Variants in SPAG16 observed in about 807,000 individuals in gnomAD.
The protein encoded by SPAG16 is sperm associated antigen 16.
In SPAG16, 86 loss-of-function variants were observed where a neutral mutation model predicts 80.4. That is an observed-to-expected ratio of 1.07 (90% CI 0.90 to 1.28). The LOEUF is 1.28. SPAG16 is among the 50% of genes most tolerant of loss of function. The pLI, the probability that SPAG16 is intolerant of heterozygous loss-of-function variation, is 0.00. For synonymous variants in SPAG16, 294 were observed against 265.9 expected (o/e 1.11, Z -1.03); for missense variants, 870 against 765.3 (o/e 1.14, Z -1.61).
intron 15 of SPAG16, among the ~76,000 whole-genome samples, chr2:214,248,286 TATATTATTATTATTATTATTATTATTA>T (rs779928174): frequency 7.8e-6 from 1 of 128,084 alleles, no homozygotes; most frequent in Non-Finnish European, 1.6e-5. Flanking sequence ...GTACTATTCT[TATATTATTATTATTATTATTATTATTA>T]TTATTATTAT....
At chr2:213,653,305 CTTCAGTAGTCTCAAT>C (rs2063094297) in intron 10 of SPAG16, among the ~76,000 whole-genome samples, 1 of 152,052 alleles carries the variant, frequency 6.6e-6, no homozygotes, top group Non-Finnish European at 1.5e-5. Flanking sequence ...GAACTTTTTT[CTTCAGTAGTCTCAAT>C]ATAAGCTGTG....
In SPAG16 at chr2:213,615,388, C is replaced by T. The variant is rs184331011; in HGVS notation, c.1070+125298C>T. ...GGCAGATCACCTGAGGCCAGGAATT[C>T]GAGACCAGCCTGGCCAAGATGGTGA... On this transcript the variant is annotated intron_variant, in intron 10 of 15. Coordinates refer to ENST00000331683, the MANE Select transcript of SPAG16 (RefSeq NM_024532.5). Among the ~76,000 whole-genome samples the T allele has an allele frequency of 2.4e-3, 366 of 152,258 alleles. 7 individuals carry two copies. The highest frequency in any genetic ancestry group is 0.015 in the South Asian group (73 of 4,830).
At chr2:213,643,410 A>G (rs868402951) in intron 10 of SPAG16, among the ~76,000 whole-genome samples, 3 of 63,706 alleles carry the variant, frequency 4.7e-5, no homozygotes, top group Non-Finnish European at 9.3e-5. Flanking sequence ...ATATATATAT[A>G]TTTTATCTCT....
chr2:213,773,988 T>C (rs1384409310), intron 10 of SPAG16, among the ~76,000 whole-genome samples: 2 of 152,242 alleles, frequency 1.3e-5, no homozygotes, highest in Non-Finnish European at 2.9e-5. Flanking sequence ...CTTGTTTTTA[T>C]AGCATTCATT....
At chr2:214,371,895 G>A (rs769277501) in intron 15 of SPAG16, among the ~76,000 whole-genome samples, 8 of 151,838 alleles carry the variant, frequency 5.3e-5, no homozygotes, top group Admixed American at 1.3e-4. Context: ...TGGCCAGGCT[G>A]GTCTCCAACT....
At chr2:213,701,132 C>A (rs1452412628) in intron 10 of SPAG16, among the ~76,000 whole-genome samples, 1 of 152,080 alleles carries the variant, frequency 6.6e-6, no homozygotes, top group Non-Finnish European at 1.5e-5. Context: ...CCCAGCTACT[C>A]AGGAGGCTGA....
In SPAG16 at chr2:213,284,464, G is replaced by A. The variant is rs564934930; in HGVS notation, c.-20G>A. 2 of 1,554,284 alleles carry A rather than the reference G, an allele frequency of 1.3e-6. No homozygotes were observed. Among genetic ancestry groups the A allele is most frequent in the Admixed American group, 1.9e-5 (1 of 51,384 alleles). On this transcript the variant is annotated 5_prime_UTR_variant, in exon 1 of 16. Coordinates refer to ENST00000331683, the MANE Select transcript of SPAG16 (RefSeq NM_024532.5). The stretch of plus-strand genomic sequence containing the variant: ...GGACGGCTGTGGGCCTGCTGGGGGT[G>A]GGGGCCCGAAGCGCCAGAGATGGCT...
At position 214,173,766 on chromosome 2, in the gene SPAG16, C is replaced by G. The variant is rs1270290800; in HGVS notation, c.1720+24500C>G. On this transcript the variant is annotated intron_variant, in intron 15 of 15. Coordinates refer to ENST00000331683, the MANE Select transcript of SPAG16 (RefSeq NM_024532.5). ...CTGATACCAAAGCCAGGCAGAGACA[C>G]AACCAAAAAAGAGAATTTTAGACCA... 3.3e-5 allele frequency among the ~76,000 whole-genome samples: 5 copies of G among 151,774 alleles called. No individual in the cohort carries two copies. In the South Asian group the frequency reaches 1.0e-3, roughly 32 times the overall value.
chr2:214,010,326 A>G lies in SPAG16; in HGVS notation c.1401-3625A>G, dbSNP rs1162446184. Among the ~76,000 whole-genome samples, 4 of 146,762 alleles carry G rather than the reference A, an allele frequency of 2.7e-5. 1 individual carries two copies. The highest frequency in any genetic ancestry group is 1.1e-4 in the African/African-American group (4 of 37,610). On this transcript the variant is annotated intron_variant, in intron 12 of 15. Coordinates refer to ENST00000331683, the MANE Select transcript of SPAG16 (RefSeq NM_024532.5). The stretch of plus-strand genomic sequence containing the variant: ...GAGAAAATATTAAACGTAAAGGCAA[A>G]TTAGACAAAAAAGGACATAGTGTTT...
At chr2:214,205,034 G>A (rs574543939) in intron 15 of SPAG16, among the ~76,000 whole-genome samples, 2 of 152,194 alleles carry the variant, frequency 1.3e-5, no homozygotes, top group East Asian at 3.9e-4. Flanking sequence ...TTTGAGACCA[G>A]CATGGCCAAC....
chr2:214,324,852 A>T (rs1490196215), intron 15 of SPAG16, among the ~76,000 whole-genome samples: 1 of 152,088 alleles, frequency 6.6e-6, no homozygotes, highest in Non-Finnish European at 1.5e-5. Context: ...GTGTTTGTCA[A>T]ATTTATTTTG....
chr2:213,888,340 A>T (rs967430600), intron 11 of SPAG16, among the ~76,000 whole-genome samples: 1 of 151,870 alleles, frequency 6.6e-6, no homozygotes, highest in East Asian at 1.9e-4. Flanking sequence ...ACTTAGAACT[A>T]TCCTCAGCTT....
chr2:214,341,351 G>T (rs1249144893), intron 15 of SPAG16, among the ~76,000 whole-genome samples: 1 of 152,112 alleles, frequency 6.6e-6, no homozygotes, highest in Non-Finnish European at 1.5e-5. Context: ...GCAAATAAAT[G>T]ATAAAAGAAA....
intron 10 of SPAG16, among the ~76,000 whole-genome samples, chr2:213,851,060 T>G (rs1323484019): frequency 6.6e-6 from 1 of 152,138 alleles, no homozygotes; most frequent in African/African-American, 2.4e-5. Flanking sequence ...GTGCTTATAT[T>G]CATAATTAAA....
intron 10 of SPAG16, among the ~76,000 whole-genome samples, chr2:213,593,746 CTTTTTTTTTTTTTTTTTTTTTT>C (rs541949006): frequency 1.1e-3 from 54 of 50,176 alleles, no homozygotes; most frequent in East Asian, 9.1e-3. Context: ...CCCACCACAT[CTTTTTTTTTTTTTTTTTTTTTT>C]TTTTTTTTTT....
chr2:213,309,326 C>G (rs949389825), intron 3 of SPAG16, among the ~76,000 whole-genome samples: 1 of 152,094 alleles, frequency 6.6e-6, no homozygotes, highest in Non-Finnish European at 1.5e-5. Context: ...GAACTGTTAG[C>G]TGACCCCTGA....
intron 6 of SPAG16, among the ~76,000 whole-genome samples, chr2:213,348,972 A>G (rs2065172761): frequency 6.6e-6 from 1 of 152,202 alleles, no homozygotes; most frequent in East Asian, 1.9e-4. Flanking sequence ...GAGCCATAAA[A>G]CAAGTCTCTA....
chr2:213,395,040 T>C (rs2067962687), intron 9 of SPAG16, among the ~76,000 whole-genome samples: 1 of 152,198 alleles, frequency 6.6e-6, no homozygotes, highest in Non-Finnish European at 1.5e-5. Context: ...CTCTTATTAT[T>C]CTTTTAATAA....
intron 15 of SPAG16, among the ~76,000 whole-genome samples, chr2:214,177,992 T>C (rs1434242978): frequency 7.1e-5 from 5 of 70,272 alleles, no homozygotes; most frequent in Non-Finnish European, 2.1e-4. Flanking sequence ...TATATATATA[T>C]ATATATATAT....
Sources: gnomAD v4.1 joint callset for allele counts (sites outside exome capture counted in the v4.1 genomes callset) on GRCh38, gnomAD v4.1.1 for gene constraint, MANE v1.5 for transcripts, NCBI Gene and HGNC (gene_info 2026-07-23, HGNC 2026-07-21) for gene names.